The following ZBTB40 variants were observed in gnomAD, a reference collection of about 807,000 sequenced individuals.
ZBTB40 encodes zinc finger and BTB domain containing 40, also known as zinc finger and BTB domain-containing protein 40.
ZBTB40 carries 60 observed loss-of-function variants against 117.5 expected under a neutral mutation model. The observed-to-expected ratio is 0.51, with a 90% CI of 0.41 to 0.63. The LOEUF (loss-of-function observed/expected upper bound fraction) is 0.63, where lower values mean the gene tolerates loss of function less well. Among genes scored for constraint, ZBTB40 ranks in the 30% least tolerant of loss-of-function variants. The probability of loss-of-function intolerance (pLI) is 0.00; values close to 1 mark genes in which losing one functional copy is unlikely to be tolerated. For synonymous variants in ZBTB40, 525 were observed against 577.1 expected, an observed-to-expected ratio of 0.91 and a Z score of 1.29; for missense variants, 1,287 against 1,498.5, an observed-to-expected ratio of 0.86 and a Z score of 2.33.
At chr1:22,469,068 A>G (rs1481705265) in intron 1 of ZBTB40, among the ~76,000 whole-genome samples, 1 of 151,746 alleles carries the variant, frequency 6.6e-6, no homozygotes, top group Non-Finnish European at 1.5e-5. Flanking sequence ...GTCTCAAGGG[A>G]TCCTCCTGCC....
chr1:22,442,278 C>A (rs2124367936), intron 1 of ZBTB40, among the ~76,000 whole-genome samples: 1 of 152,240 alleles, frequency 6.6e-6, no homozygotes. Flanking sequence ...TCTGTTAGAT[C>A]TGTAAGGTTA....
At position 22,511,943 on chromosome 1, in the gene ZBTB40, G is replaced by A. The variant is rs373118267; in HGVS notation, c.2270G>A (p.Arg757His). 12 of 1,614,080 alleles carry A rather than the reference G, an allele frequency of 7.4e-6. No homozygotes were observed. Among genetic ancestry groups the A allele is most frequent in the African/African-American group, 6.7e-5 (5 of 74,902 alleles). The change falls in exon 11 of 18, where the codon CGC (arginine) becomes CAC (histidine). Residue 757 changes from arginine to histidine, a missense_variant. Physicochemically the swap from Arg to His is conservative, Grantham distance 29 (BLOSUM62 0). Coordinates refer to ENST00000375647, the MANE Select transcript of ZBTB40 (RefSeq NM_014870.4). The stretch of plus-strand genomic sequence containing the variant: ...TGCCGCCTAAAGGTGCACATGAAGC[G>A]CTGCCGGGTGGCTAAGAGCAAACAG... ...FYCRLKVHMK[R>H]CRVAKSKQVQ...
chr1:22,500,270 T>C (rs1638891126), intron 3 of ZBTB40, among the ~76,000 whole-genome samples: 2 of 152,198 alleles, frequency 1.3e-5, no homozygotes, highest in African/African-American at 2.4e-5. Context: ...CTTAGAAGCA[T>C]CTAGAAGAGT....
intron 1 of ZBTB40, among the ~76,000 whole-genome samples, chr1:22,433,950 C>T (rs1194318310): frequency 1.3e-5 from 2 of 151,780 alleles, no homozygotes; most frequent in Admixed American, 6.6e-5. Flanking sequence ...TATATACATT[C>T]TTTAGTACAC....
Position 22,511,231 on chromosome 1 carries a change from T to C in ZBTB40, c.1886T>C (p.Val629Ala). Residue 629 changes from valine to alanine, a missense_variant, in exon 10 of 18, where the codon GTG (valine) becomes GCG (alanine). Transcript: ENST00000375647. The stretch of plus-strand genomic sequence containing the variant: ...AGCCCTGAAGCTTCCCTGAGAGCAG[T>C]GCTGAGCAGAGCCATGGAAAAATCA... ...TASPEASLRA[V>A]LSRAMEKSVP... is the part of the protein sequence containing the mutation. 16 of 1,613,990 alleles carry C rather than the reference T, an allele frequency of 9.9e-6. No homozygotes were observed. Among genetic ancestry groups the C allele is most frequent in the Non-Finnish European group, 1.4e-5 (16 of 1,180,002 alleles).
intron 1 of ZBTB40, among the ~76,000 whole-genome samples, chr1:22,431,736 C>A (rs1297544050): frequency 4.0e-5 from 6 of 148,426 alleles, no homozygotes; most frequent in Admixed American, 6.7e-5. Context: ...AATGCCATCT[C>A]AAAAAAAAAA....
At chr1:22,453,280 C>T (rs2124378407) in intron 1 of ZBTB40, among the ~76,000 whole-genome samples, 1 of 152,330 alleles carries the variant, frequency 6.6e-6, no homozygotes, top group East Asian at 1.9e-4. Context: ...CAGTAGTCCC[C>T]AAACTTAGCT....
rs1451610568 is a variant in ZBTB40, at chr1:22,435,566, A to G, written c.-70+6552A>G. On this transcript the variant is annotated intron_variant, in intron 1 of 8. Transcript: ENST00000650433. ...CATTTTTCTTGGATTGTACAGAATA[A>G]TACCTTCAATTTAATGTTAAAGAAC... Among the ~76,000 whole-genome samples the G allele has an allele frequency of 5.3e-5, 8 of 152,258 alleles. No individual in the cohort carries two copies. In the East Asian group the frequency reaches 1.5e-3, roughly 29 times the overall value.
intron 12 of ZBTB40, among the ~76,000 whole-genome samples, chr1:22,515,815 T>G (rs923812908): frequency 6.6e-6 from 1 of 152,196 alleles, no homozygotes; most frequent in African/African-American, 2.4e-5. Context: ...GCCTACCACA[T>G]GAAGCCATAG....
At chr1:22,437,552 C>T (rs548907138) in intron 1 of ZBTB40, among the ~76,000 whole-genome samples, 7 of 151,750 alleles carry the variant, frequency 4.6e-5, no homozygotes, top group Non-Finnish European at 7.4e-5. Context: ...TCCCAAGTAG[C>T]TGAACTACAG....
At chr1:22,501,290 G>C (rs900682685) in intron 3 of ZBTB40, among the ~76,000 whole-genome samples, 1 of 152,212 alleles carries the variant, frequency 6.6e-6, no homozygotes, top group African/African-American at 2.4e-5. Context: ...TCGTGGAATT[G>C]GAGTCCTCCA....
intron 1 of ZBTB40, among the ~76,000 whole-genome samples, chr1:22,478,915 A>C (rs1003584858): frequency 1.3e-5 from 2 of 152,202 alleles, no homozygotes; most frequent in Admixed American, 6.5e-5. Context: ...ATTCTCATGG[A>C]AAGTTTCTTG....
chr1:22,471,253 C>T (rs938143133), intron 1 of ZBTB40, among the ~76,000 whole-genome samples: 3 of 152,212 alleles, frequency 2.0e-5, no homozygotes, highest in Non-Finnish European at 4.4e-5. Flanking sequence ...CATCCTTTAG[C>T]AGAGACCAGC....
At chr1:22,520,026 C>T in intron 13 of ZBTB40, 35 bp from the exon 14 acceptor site, 5 of 1,598,584 alleles carry the variant, frequency 3.1e-6, no homozygotes, top group Middle Eastern at 1.7e-4. Context: ...TTTTCCTCTC[C>T]ACCTCTTCCT....
At chr1:22,499,718 A>G (rs1242959444) in intron 3 of ZBTB40, among the ~76,000 whole-genome samples, 1 of 152,252 alleles carries the variant, frequency 6.6e-6, no homozygotes, top group Non-Finnish European at 1.5e-5. Flanking sequence ...ATTTAGCTTT[A>G]TACAGACATC....
intron 1 of ZBTB40, among the ~76,000 whole-genome samples, chr1:22,440,480 A>C (rs1640718019): frequency 6.6e-6 from 1 of 152,226 alleles, no homozygotes; most frequent in Non-Finnish European, 1.5e-5. Context: ...TCCAAAACAC[A>C]AACAAAACAA....
At chr1:22,462,311 G>A (rs911198402) in intron 1 of ZBTB40, among the ~76,000 whole-genome samples, 1 of 152,106 alleles carries the variant, frequency 6.6e-6, no homozygotes, top group Non-Finnish European at 1.5e-5. Flanking sequence ...TTGTGATTTG[G>A]GGCAGGTCAT....
At chr1:22,451,187 C>A (rs1251242167), upstream of ZBTB40, among the ~76,000 whole-genome samples, 1 of 152,238 alleles carries the variant, frequency 6.6e-6, no homozygotes, top group East Asian at 1.9e-4. Context: ...TGCGCCCCAC[C>A]AGCGCCAAGC....
intron 5 of ZBTB40, among the ~76,000 whole-genome samples, chr1:22,504,630 A>G (rs1377408873): frequency 1.3e-5 from 2 of 152,204 alleles, no homozygotes; most frequent in African/African-American, 4.8e-5. Flanking sequence ...TCATTTCTTA[A>G]AGATCACATG....
Sources: allele counts gnomAD v4.1 joint callset (sites outside exome capture counted in the v4.1 genomes callset), GRCh38; gene constraint gnomAD v4.1.1; transcripts MANE v1.5; gene names NCBI Gene and HGNC (gene_info 2026-07-23, HGNC 2026-07-21).